GGCT: variants seen among roughly 807,000 people sequenced by gnomAD.
GGCT encodes the protein gamma-glutamylcyclotransferase.
In GGCT, 20 loss-of-function variants were observed where a neutral mutation model predicts 22.1. The ratio of observed to expected loss-of-function variants is 0.91; its 90% CI spans 0.64 to 1.32. The LOEUF (loss-of-function observed/expected upper bound fraction) is 1.32, where lower values mean the gene tolerates loss of function less well. Ranked by LOEUF, GGCT falls within the 40% of genes most tolerant of loss-of-function variation. The pLI is 0.00. For synonymous variants in GGCT, 72 were observed against 78.4 expected, an observed-to-expected ratio of 0.92 and a Z score of 0.43; for missense variants, 209 against 223.5, an observed-to-expected ratio of 0.94 and a Z score of 0.41.
Position 30,503,911 on chromosome 7 carries a change from C to A in GGCT, c.141+658G>T, listed in dbSNP as rs573347824. On this transcript the variant is annotated intron_variant, in intron 1 of 3. Transcript: ENST00000275428. ...CTGTCAAAAAGGTTTTGAACATAAT[C>A]TATTGCACCTCTGTCCTACAGACTG... Among the ~76,000 whole-genome samples, 7 of 142,686 alleles carry A rather than the reference C, an allele frequency of 4.9e-5. No homozygotes were observed. The East Asian group carries it at 1.3e-3, about 27-fold the overall frequency. 93.6% of individuals were successfully genotyped at this position (142,686 alleles called of 152,430 possible). A position where few individuals can be genotyped will look rare whatever the true frequency, so the allele number is the denominator to read the frequency against.
chr7:30,499,999 C>G (rs1789663098), intron 2 of GGCT, among the ~76,000 whole-genome samples: 1 of 152,156 alleles, frequency 6.6e-6, no homozygotes, highest in Non-Finnish European at 1.5e-5. Context: ...AGATAACCCT[C>G]TCTTCTCAAG....
In GGCT at chr7:30,497,727, A is replaced by C. The variant is rs1330607821; in HGVS notation, c.424-492T>G. On this transcript the variant is annotated intron_variant, in intron 3 of 3. Transcript: ENST00000275428. ...TACTAAAAAATTCCAAACGAGGCCT[A>C]GGAACCAGATTACCTATTACAGGTG... 3.7e-6 allele frequency: 5 copies of C among 1,348,806 alleles called. 1 individual carries two copies. The South Asian group carries it at 1.0e-4, about 27-fold the overall frequency. 83.6% of individuals were successfully genotyped at this position (1,348,806 alleles called of 1,614,324 possible).
In GGCT at chr7:30,504,784, C is replaced by G. The variant is rs911320680; in HGVS notation, c.-75G>C. 6.8e-6 allele frequency: 10 copies of G among 1,480,048 alleles called. No individual in the cohort carries two copies. The highest frequency in any genetic ancestry group is 9.4e-6 in the Non-Finnish European group (10 of 1,065,990). The allele number at this position is 1,480,048 out of a possible 1,614,324, so 91.7% of individuals were successfully genotyped here. A position where few individuals can be genotyped will look rare whatever the true frequency, so the allele number is the denominator to read the frequency against. Reference sequence around the variant, plus strand: ...CCAGAGAGCGCAACACTGGGGCCCACTACCCCGGCGCAGTGACCGCCGCGC... The same window carrying G: ...CCAGAGAGCGCAACACTGGGGCCCAGTACCCCGGCGCAGTGACCGCCGCGC... On this transcript the variant is annotated 5_prime_UTR_variant, in exon 1 of 4. Transcript: ENST00000275428.
Position 30,498,760 on chromosome 7 carries a change from T to C in GGCT, c.423+43A>G, listed in dbSNP as rs367645393. On this transcript the variant is annotated intron_variant, in intron 3 of 3. Coordinates refer to ENST00000275428, the MANE Select transcript of GGCT (RefSeq NM_024051.4). ...CAATATATTCTTTAGTTTCTCTCAG[T>C]GAAATTTAAAAAGTAATCACCACCA... 6 of 1,544,600 alleles carry C rather than the reference T, an allele frequency of 3.9e-6. No individual in the cohort carries two copies. In the African/African-American group the frequency reaches 4.1e-5, roughly 11 times the overall value.
At chr7:30,503,258 C>T (rs980272307) in intron 1 of GGCT, among the ~76,000 whole-genome samples, 1 of 152,126 alleles carries the variant, frequency 6.6e-6, no homozygotes, top group Non-Finnish European at 1.5e-5. Context: ...CTGAATAATC[C>T]CTTGTTTAAT....
chr7:30,502,127 T>C (rs1191180973), intron 1 of GGCT, among the ~76,000 whole-genome samples: 1 of 152,250 alleles, frequency 6.6e-6, no homozygotes, highest in African/African-American at 2.4e-5. Context: ...TTTTTAAATG[T>C]TGGAGTTGCT....
At chr7:30,498,260 TA>T (rs1401327599) in intron 3 of GGCT, among the ~76,000 whole-genome samples, 5 of 151,550 alleles carry the variant, frequency 3.3e-5, no homozygotes, top group Non-Finnish European at 5.9e-5. Context: ...CATATATTTC[TA>T]AAAATTTTTT....
chr7:30,501,224 A>G (rs1011476855), intron 1 of GGCT, among the ~76,000 whole-genome samples: 3 of 152,226 alleles, frequency 2.0e-5, no homozygotes, highest in South Asian at 2.1e-4. Flanking sequence ...TACAATAATC[A>G]TAAGAGCACC....
In GGCT at chr7:30,498,026, T is replaced by TATATATATAC. The variant is rs68111355; in HGVS notation, c.423+776_423+777insGTATATATAT. 127 of 219,494 alleles carry TATATATATAC rather than the reference T, an allele frequency of 5.8e-4. 1 individual carries two copies. Among genetic ancestry groups the TATATATATAC allele is most frequent in the South Asian group, 2.0e-3 (14 of 7,030 alleles). 13.6% of individuals were successfully genotyped at this position (219,494 alleles called of 1,614,324 possible). A position where few individuals can be genotyped will look rare whatever the true frequency, so the allele number is the denominator to read the frequency against. On this transcript the variant is annotated intron_variant, in intron 3 of 3. Coordinates refer to ENST00000275428, the MANE Select transcript of GGCT (RefSeq NM_024051.4). Reference sequence around the variant, plus strand: ...AAAAGCATATATATATATATATAGATACACACACACATATACATATATATA... The same window carrying TATATATATAC: ...AAAAGCATATATATATATATATAGATATATATATACACACACACACATATACATATATATA...
chr7:30,502,688 G>A lies in GGCT; in HGVS notation c.141+1881C>T, dbSNP rs12538860. 6.4e-3 allele frequency among the ~76,000 whole-genome samples: 969 copies of A among 152,192 alleles called. 42 individuals are homozygous for A. The highest frequency in any genetic ancestry group is 0.059 in the Admixed American group (906 of 15,280). On this transcript the variant is annotated intron_variant, in intron 1 of 3. Coordinates refer to ENST00000275428, the MANE Select transcript of GGCT (RefSeq NM_024051.4). ...GTGCCAAAAACCTGAGTCATCTTTG[G>A]TATTCTCTTCACACTCAATCACTAT...
chr7:30,498,005 G>GCATATA, intron 3 of GGCT: 1 of 140,946 alleles, frequency 7.1e-6, no homozygotes, highest in Non-Finnish European at 1.6e-5. Context: ...CATTACAAAA[G>GCATATA]CATATATATA....
chr7:30,502,535 A>G (rs977500917), intron 1 of GGCT, among the ~76,000 whole-genome samples: 3 of 152,214 alleles, frequency 2.0e-5, no homozygotes, highest in African/African-American at 4.8e-5. Context: ...ATGTTTGCTA[A>G]TATTATTCTG....
intron 2 of GGCT, 113 bp from the exon 3 acceptor site, chr7:30,499,051 A>T: frequency 1.1e-6 from 1 of 889,384 alleles, no homozygotes; most frequent in Non-Finnish European, 1.9e-6. Context: ...ATTTAACTAC[A>T]TCTGAACATA....
intron 1 of GGCT, among the ~76,000 whole-genome samples, chr7:30,501,126 C>G (rs1055740910): frequency 1.3e-5 from 2 of 152,112 alleles, no homozygotes; most frequent in African/African-American, 4.8e-5. Flanking sequence ...ACATATATCA[C>G]CAAATTTGCC....
At position 30,497,256 on chromosome 7, in the gene GGCT, C is replaced by T. The variant is rs374170769; in HGVS notation, c.424-21G>A. ...ATAATCTGGAAATGGTTAAAACAAA[C>T]AGACAAAAAAACCCTTTCAGTTAGG... On this transcript the variant is annotated intron_variant, in intron 3 of 3. Transcript: ENST00000275428. 7.6e-6 allele frequency: 12 copies of T among 1,574,064 alleles called. No individual in the cohort carries two copies. In the African/African-American group the frequency reaches 1.4e-4, roughly 18 times the overall value.
chr7:30,501,791 T>C (rs574026155), intron 1 of GGCT, among the ~76,000 whole-genome samples: 1 of 152,364 alleles, frequency 6.6e-6, no homozygotes, highest in East Asian at 1.9e-4. Flanking sequence ...GTTTATATTT[T>C]ATCCCTGTCA....
chr7:30,496,739 C>A lies in GGCT; in HGVS notation c.*353G>T. The A allele has an allele frequency of 6.1e-6, 1 of 163,214 alleles. No individual in the cohort carries two copies. The highest frequency in any genetic ancestry group is 1.3e-5 in the Non-Finnish European group (1 of 75,494). The allele number at this position is 163,214 out of a possible 1,614,324, so 10.1% of individuals were successfully genotyped here. ...TAAGCTGATTTTTAAAAATCTCAGA[C>A]AGAGCAGAGCAATTCACCAGCACCA... On this transcript the variant is annotated 3_prime_UTR_variant, in exon 4 of 4. Transcript: ENST00000275428.
intron 1 of GGCT, among the ~76,000 whole-genome samples, chr7:30,501,226 A>G: frequency 6.6e-6 from 1 of 152,218 alleles, no homozygotes. Context: ...CAATAATCAT[A>G]AGAGCACCTA....
At position 30,504,573 on chromosome 7, in the gene GGCT, A is replaced by C. The variant is rs1789784919; in HGVS notation, c.137T>G (p.Leu46Arg). 6.2e-7 allele frequency: 1 copy of C among 1,613,636 alleles called. No homozygotes were observed. Among genetic ancestry groups the C allele is most frequent in the Non-Finnish European group, 8.5e-7 (1 of 1,179,810 alleles). ...PSAAFFCVAR[L>R]QDFKLDFGNS... ...AGCGCGGGAGGGGGCACTCACCTGC[A>C]GGCGGGCCACACAGAAGAACGCCGC... The change falls in exon 1 of 4, where the codon CTG (leucine) becomes CGG (arginine). Residue 46 changes from leucine (L) to arginine (R), a missense_variant. Transcript: ENST00000275428.
Sources: allele counts gnomAD v4.1 joint callset (sites outside exome capture counted in the v4.1 genomes callset), GRCh38; gene constraint gnomAD v4.1.1; transcripts MANE v1.5; gene names NCBI Gene and HGNC (gene_info 2026-07-23, HGNC 2026-07-21).